ITGAE: variants seen among roughly 807,000 people sequenced by gnomAD.
The protein encoded by ITGAE is integrin alpha-E.
In ITGAE, 99 loss-of-function variants were observed where a neutral mutation model predicts 136.5. The ratio of observed to expected loss-of-function variants is 0.73; its 90% CI spans 0.62 to 0.86. The LOEUF is 0.86. ITGAE is among the 40% of genes least tolerant of loss of function. The probability of loss-of-function intolerance (pLI) is 0.00; values close to 1 mark genes in which losing one functional copy is unlikely to be tolerated. For synonymous variants in ITGAE, 613 were observed against 591.8 expected (o/e 1.04, Z -0.52); for missense variants, 1,447 against 1,515.3 (o/e 0.95, Z 0.75).
rs1292191169 is a variant in ITGAE, at chr17:3,750,406, C to A, written c.1970G>T (p.Gly657Val). ...MSMAGGFDIS[G>V]DGLADITVGT... ...CACGGTGATGTCGGCAAGGCCGTCG[C>A]CACTAATATCAAAGCCACCAGCCAT... is the stretch of plus-strand genomic sequence containing the variant. The change falls in exon 16 of 31, where the codon GGC becomes GTC. Residue 657 changes from glycine (G) to valine (V), a missense_variant. Gly to Val is a moderately radical substitution (Grantham distance 109, BLOSUM62 -3). Transcript: ENST00000263087. 1 of 1,614,214 alleles carries A rather than the reference C, an allele frequency of 6.2e-7. No individual in the cohort carries two copies. The highest frequency in any genetic ancestry group is 8.5e-7 in the Non-Finnish European group (1 of 1,180,044).
chr17:3,753,527 T>A, intron 13 of ITGAE, 97 bp from the exon 14 acceptor site: 1 of 1,460,896 alleles, frequency 6.8e-7, no homozygotes, highest in Non-Finnish European at 9.3e-7. Flanking sequence ...ACCACCCAAT[T>A]TGGGTCGTTA....
chr17:3,745,466 C>T (rs1047097624), intron 18 of ITGAE, among the ~76,000 whole-genome samples: 2 of 152,072 alleles, frequency 1.3e-5, no homozygotes, highest in East Asian at 1.9e-4. Flanking sequence ...CTCAGCCTCC[C>T]GAGTAGCTGG....
chr17:3,760,978 TAGACTC>T (rs2052149953), intron 6 of ITGAE, 29 bp downstream of exon 6: 18 of 1,579,712 alleles, frequency 1.1e-5, no homozygotes, highest in Non-Finnish European at 1.5e-5. Context: ...TTGGCTCTGA[TAGACTC>T]AGAGCAACCC....
intron 29 of ITGAE, 129 bp downstream of exon 29, chr17:3,720,178 C>T (rs940125429): frequency 1.9e-5 from 11 of 581,374 alleles, no homozygotes; most frequent in Non-Finnish European, 2.8e-5. Context: ...ACAAAGGCAG[C>T]GATGGCAGAG....
At position 3,740,614 on chromosome 17, in the gene ITGAE, C is replaced by G. The variant is rs372126411; in HGVS notation, c.2449-736G>C. On this transcript the variant is annotated intron_variant, in intron 19 of 30. Coordinates refer to ENST00000263087, the MANE Select transcript of ITGAE (RefSeq NM_002208.5). ...TGGTCTCAAACTCCTGACCTCAGGT[C>G]ATCCACCCACCTTGGCCTTCCAAAG... 6.5e-3 allele frequency among the ~76,000 whole-genome samples: 989 copies of G among 152,330 alleles called. 14 individuals are homozygous for G. Among genetic ancestry groups the G allele is most frequent in the African/African-American group, 0.022 (931 of 41,578 alleles).
At chr17:3,727,038 C>T (rs2051230008) in intron 26 of ITGAE, among the ~76,000 whole-genome samples, 2 of 151,938 alleles carry the variant, frequency 1.3e-5, no homozygotes, top group Admixed American at 1.3e-4. Flanking sequence ...CCTATAAGCC[C>T]TCTTTCTAAT....
intron 28 of ITGAE, 68 bp from the exon 29 acceptor site, chr17:3,720,470 A>C: frequency 1.3e-6 from 1 of 747,136 alleles, no homozygotes; most frequent in Non-Finnish European, 2.4e-6. Flanking sequence ...GTGTTTGAAC[A>C]GCCTTCACCA....
chr17:3,757,618 T>TA (rs2143048195), intron 9 of ITGAE, 88 bp downstream of exon 9: 2 of 1,413,064 alleles, frequency 1.4e-6, no homozygotes, highest in Admixed American at 3.9e-5. Context: ...ATAAGCTGCT[T>TA]ACAGAAAAGC....
rs1307025259 is a variant in ITGAE, at chr17:3,764,418, C to T, written c.156-458G>A. The stretch of plus-strand genomic sequence containing the variant: ...CAGTCAGAACTGGAGGTTTGGAGGC[C>T]GGGCGCGGCGGCTCACGCCTGTAAT... On this transcript the variant is annotated intron_variant, in intron 2 of 30. Coordinates refer to ENST00000263087, the MANE Select transcript of ITGAE (RefSeq NM_002208.5). 5.3e-5 allele frequency among the ~76,000 whole-genome samples: 8 copies of T among 152,234 alleles called. No individual in the cohort carries two copies. In the South Asian group the frequency reaches 1.0e-3, roughly 20 times the overall value.
intron 1 of ITGAE, among the ~76,000 whole-genome samples, chr17:3,785,148 T>C (rs544737495): frequency 2.1e-4 from 31 of 149,964 alleles, no homozygotes; most frequent in Non-Finnish European, 2.1e-4. Context: ...CAAGACCCCA[T>C]GTAAAAAAAA....
In ITGAE at chr17:3,761,008, C is replaced by T; in HGVS notation, c.598+5G>A. On this transcript the variant is annotated splice_donor_5th_base_variant and intron_variant, in intron 6 of 30. Transcript: ENST00000263087. ...TCAGAGCAACCCAGATCTGCCTCTT[C>T]TCACCAGCTTCCTCCTCCTCCTCGT... is the stretch of plus-strand genomic sequence containing the variant. The T allele has an allele frequency of 1.3e-6, 2 of 1,598,752 alleles. No homozygotes were observed. Among genetic ancestry groups the T allele is most frequent in the Non-Finnish European group, 8.5e-7 (1 of 1,178,814 alleles).
rs1331941803 is a variant in ITGAE at position 3,798,242 on chromosome 17, G to A, written c.34+2869C>T. On this transcript the variant is annotated intron_variant, in intron 1 of 30. Transcript: ENST00000263087. The surrounding 1 kb of genome is among the most constrained non-coding windows in gnomAD (Gnocchi z 4.3). ...TACCCCCGTGCTGTGACACCCTGCC[G>A]GGGCCGGGGAGGCTACTGTGTGCAC... Among the ~76,000 whole-genome samples, 7 of 152,138 alleles carry A rather than the reference G, an allele frequency of 4.6e-5. No homozygotes were observed. The highest frequency in any genetic ancestry group is 8.8e-5 in the Non-Finnish European group (6 of 68,004).
At chr17:3,765,964 A>G (rs1369857218) in intron 2 of ITGAE, among the ~76,000 whole-genome samples, 4 of 152,180 alleles carry the variant, frequency 2.6e-5, no homozygotes, top group Non-Finnish European at 5.9e-5. Context: ...GCCACGTCCT[A>G]ATCCCCAGAA....
intron 30 of ITGAE, among the ~76,000 whole-genome samples, chr17:3,716,302 G>A (rs2050943201): frequency 6.6e-6 from 1 of 152,130 alleles, no homozygotes; most frequent in Non-Finnish European, 1.5e-5. Flanking sequence ...ATTTCAACAG[G>A]GGAACAACAG....
chr17:3,779,679 T>C (rs2052619643), intron 1 of ITGAE, among the ~76,000 whole-genome samples: 1 of 152,164 alleles, frequency 6.6e-6, no homozygotes, highest in Admixed American at 6.6e-5. Flanking sequence ...GCTGGATGGG[T>C]AGATAGATAT....
chr17:3,766,691 A>G (rs746711096), intron 2 of ITGAE, among the ~76,000 whole-genome samples: 38 of 151,754 alleles, frequency 2.5e-4, no homozygotes, highest in Non-Finnish European at 4.6e-4. Flanking sequence ...AATCCCAGCT[A>G]CTCGGGAGGC....
chr17:3,751,669 A>G lies in ITGAE; in HGVS notation c.1874T>C (p.Leu625Pro), dbSNP rs1397769255. Reference sequence around the variant, plus strand: ...GGTCACCTGCGAGGGGCTGGCGGAGAGGCCGTCCCAGTGTCCATTGTAGAT... The same window carrying G: ...GGTCACCTGCGAGGGGCTGGCGGAGGGGCCGTCCCAGTGTCCATTGTAGAT... ...VYIYNGHWDG[L>P]SASPSQRIRA... Residue 625 changes from leucine to proline, a missense_variant, in exon 15 of 31, where the codon CTC becomes CCC. Coordinates refer to ENST00000263087, the MANE Select transcript of ITGAE (RefSeq NM_002208.5). The G allele has an allele frequency of 9.9e-6, 16 of 1,613,646 alleles. No individual in the cohort carries two copies. Among genetic ancestry groups the G allele is most frequent in the Non-Finnish European group, 1.3e-5 (15 of 1,179,868 alleles).
intron 1 of ITGAE, among the ~76,000 whole-genome samples, chr17:3,797,163 T>A (rs879579972): frequency 0.33 from 13,932 of 41,762 alleles, 1,148 homozygotes; most frequent in Admixed American, 0.42. Context: ...ATATATTTTT[T>A]TTTTTTTTTT....
chr17:3,735,898 C>A (rs1222900622), intron 20 of ITGAE, among the ~76,000 whole-genome samples: 2 of 152,146 alleles, frequency 1.3e-5, no homozygotes, highest in Non-Finnish European at 2.9e-5. Flanking sequence ...CATCCCAACA[C>A]TTTGGGAGGC....
Sources: allele counts gnomAD v4.1 joint callset (sites outside exome capture counted in the v4.1 genomes callset), GRCh38; gene constraint gnomAD v4.1.1; non-coding constraint Gnocchi (gnomAD v3.1); transcripts MANE v1.5; gene names NCBI Gene and HGNC (gene_info 2026-07-23, HGNC 2026-07-21).